Variants in TET1 observed in about 807,000 individuals in gnomAD.
The protein encoded by TET1 is tet methylcytosine dioxygenase 1, also known as methylcytosine dioxygenase TET1.
In TET1, 13 loss-of-function variants were observed where a neutral mutation model predicts 148.7. The ratio of observed to expected loss-of-function variants is 0.09; its 90% CI spans 0.06 to 0.14. The LOEUF (loss-of-function observed/expected upper bound fraction) is 0.14. Among genes scored for constraint, TET1 ranks in the 10% least tolerant of loss-of-function variants. The probability of loss-of-function intolerance (pLI) is 1.00; values close to 1 mark genes in which losing one functional copy is unlikely to be tolerated. For missense variants in TET1, 2,182 were observed against 2,553.8 expected (o/e 0.85, Z 3.14); for synonymous variants, 907 against 937.2 (o/e 0.97, Z 0.59).
intron 6 of TET1, 141 bp from the exon 7 acceptor site, chr10:68,666,900 ATAGT>A (rs2055202270): frequency 1.4e-6 from 1 of 737,838 alleles, no homozygotes; most frequent in African/African-American, 1.8e-5. Context: ...CCTTGGTAAC[ATAGT>A]TAGACCCCGT....
intron 3 of TET1, among the ~76,000 whole-genome samples, chr10:68,622,197 C>CCTTCCTTCCTTT (rs1564973264): frequency 1.6e-5 from 2 of 127,666 alleles, no homozygotes; most frequent in South Asian, 2.6e-4. Flanking sequence ...TTCCTTCCTT[C>CCTTCCTTCCTTT]CTTCCTTCCT....
At position 68,572,202 on chromosome 10, in the gene TET1, CTGT is replaced by C. The variant is rs1476404112; in HGVS notation, c.-122-10_-122-8del. 9.0e-6 allele frequency: 6 copies of C among 666,370 alleles called. No individual in the cohort carries two copies. Among genetic ancestry groups the C allele is most frequent in the Non-Finnish European group, 7.7e-6 (3 of 388,584 alleles). The allele number at this position is 666,370 out of a possible 1,614,324, so 41.3% of individuals were successfully genotyped here. A position where few individuals can be genotyped will look rare whatever the true frequency, so the allele number is the denominator to read the frequency against. ...GGAAAAAGACTCACTTCAGTGTATT[CTGT>C]TGTTATTTCAGACCAAAACCTTGTG... On this transcript the variant is annotated splice_polypyrimidine_tract_variant and intron_variant, in intron 1 of 11. Transcript: ENST00000373644.
chr10:68,640,952 T>C (rs2054744202), intron 3 of TET1, among the ~76,000 whole-genome samples: 1 of 151,620 alleles, frequency 6.6e-6, no homozygotes, highest in East Asian at 1.9e-4. Flanking sequence ...ATAAAAATAT[T>C]TATGTAATAT....
intron 4 of TET1, among the ~76,000 whole-genome samples, chr10:68,650,977 TTAATA>T (rs892351729): frequency 6.6e-6 from 1 of 152,222 alleles, no homozygotes; most frequent in Non-Finnish European, 1.5e-5. Context: ...ACTTGGTTTT[TTAATA>T]TAATGATATT....
chr10:68,686,723 C>A lies in TET1; in HGVS notation c.5404+16C>A, dbSNP rs1169617760. ...CCAACCTTAGGTGAGCCCTATGGAACCTGGTAATCTCTGCACAACTTTGAT... is the reference window on the plus strand; with the variant it reads ...CCAACCTTAGGTGAGCCCTATGGAAACTGGTAATCTCTGCACAACTTTGAT... On this transcript the variant is annotated intron_variant, in intron 11 of 11. Transcript: ENST00000373644. The A allele has an allele frequency of 8.1e-6, 13 of 1,597,054 alleles. No individual in the cohort carries two copies. Among genetic ancestry groups the A allele is most frequent in the Non-Finnish European group, 9.4e-6 (11 of 1,170,948 alleles).
At chr10:68,665,679 A>G (rs1189826500) in intron 6 of TET1, among the ~76,000 whole-genome samples, 1 of 152,030 alleles carries the variant, frequency 6.6e-6, no homozygotes, top group Non-Finnish European at 1.5e-5. Flanking sequence ...AATATTAACC[A>G]AAATAATTTT....
chr10:68,655,798 G>A (rs1222625847), intron 6 of TET1, among the ~76,000 whole-genome samples: 2 of 152,112 alleles, frequency 1.3e-5, no homozygotes, highest in East Asian at 3.8e-4. Flanking sequence ...GGGCTAGAGT[G>A]CACTAACCCA....
chr10:68,672,871 C>T, intron 7 of TET1, 24 bp from the exon 8 acceptor site: 1 of 1,583,972 alleles, frequency 6.3e-7, no homozygotes, highest in Non-Finnish European at 8.6e-7. Context: ...CATCAATTCA[C>T]TCTCTTGAAT....
chr10:68,631,837 T>C (rs996864137), intron 3 of TET1, among the ~76,000 whole-genome samples: 32 of 152,012 alleles, frequency 2.1e-4, no homozygotes, highest in African/African-American at 7.3e-4. Context: ...AGGAACTGAC[T>C]AGAGACCCAA....
rs533261320 is a variant in TET1 at position 68,657,773 on chromosome 10, C to T, written c.4461+5179C>T. 4.0e-5 allele frequency among the ~76,000 whole-genome samples: 6 copies of T among 149,514 alleles called. No individual in the cohort carries two copies. The South Asian group carries it at 8.7e-4, about 22-fold the overall frequency. On this transcript the variant is annotated intron_variant, in intron 6 of 11. Coordinates refer to ENST00000373644, the MANE Select transcript of TET1 (RefSeq NM_030625.3). ...GAATCTGCTGGAGTTGTCCACCCCA[C>T]GCTTAAACTTTAGGTAGAGGTTGAA...
chr10:68,600,859 A>G (rs2054046162), intron 2 of TET1, 122 bp from the exon 3 acceptor site: 2 of 768,732 alleles, frequency 2.6e-6, no homozygotes, highest in African/African-American at 1.8e-5. Context: ...TGCCTAGCAA[A>G]CATGTTGATG....
intron 4 of TET1, among the ~76,000 whole-genome samples, chr10:68,650,366 G>C (rs769503946): frequency 4.6e-5 from 7 of 151,988 alleles, no homozygotes; most frequent in Admixed American, 6.6e-5. Flanking sequence ...AAGTAGGCTG[G>C]GTGCCGTGAC....
chr10:68,661,871 AT>A (rs60806125), intron 6 of TET1, among the ~76,000 whole-genome samples: 3 of 121,616 alleles, frequency 2.5e-5, no homozygotes, highest in East Asian at 2.5e-4. Context: ...TTTAAAAAAA[AT>A]TTTTTTTCTT....
Position 68,691,973 on chromosome 10 carries a change from A to C in TET1, c.*159A>C. 4 of 824,940 alleles carry C rather than the reference A, an allele frequency of 4.8e-6. No individual in the cohort carries two copies. The South Asian group carries it at 9.0e-5, about 19-fold the overall frequency. The allele number at this position is 824,940 out of a possible 1,614,324, so 51.1% of individuals were successfully genotyped here. A position where few individuals can be genotyped will look rare whatever the true frequency, so the allele number is the denominator to read the frequency against. On this transcript the variant is annotated 3_prime_UTR_variant, in exon 12 of 12. Transcript: ENST00000373644. The surrounding 1 kb of genome is among the most constrained non-coding windows in gnomAD (Gnocchi z 4.4). ...TAACAAAACGGGGTGGGTATTCTTA[A>C]CTGTGACTATATTTTGACAATTGGT...
At chr10:68,586,709 C>A (rs1376458278) in intron 2 of TET1, among the ~76,000 whole-genome samples, 1 of 150,514 alleles carries the variant, frequency 6.6e-6, no homozygotes, top group Non-Finnish European at 1.5e-5. Flanking sequence ...AAGGAAAAAA[C>A]AGTTTGCTAA....
intron 10 of TET1, among the ~76,000 whole-genome samples, chr10:68,684,586 A>C (rs1403023773): frequency 6.6e-6 from 1 of 152,070 alleles, no homozygotes; most frequent in Non-Finnish European, 1.5e-5. Context: ...AGTCAAGCTA[A>C]GTTTCAGTTT....
At chr10:68,615,711 T>C (rs541303152) in intron 3 of TET1, among the ~76,000 whole-genome samples, 1 of 152,086 alleles carries the variant, frequency 6.6e-6, no homozygotes, top group African/African-American at 2.4e-5. Flanking sequence ...CAGGCTGGAG[T>C]GCAATGGCGC....
chr10:68,622,111 T>C (rs1343706172), intron 3 of TET1, among the ~76,000 whole-genome samples: 1 of 152,088 alleles, frequency 6.6e-6, no homozygotes, highest in African/African-American at 2.4e-5. Flanking sequence ...ATTTGGCCAA[T>C]ATTCCCACGA....
chr10:68,684,249 T>C (rs2133228955), intron 10 of TET1, among the ~76,000 whole-genome samples: 1 of 152,274 alleles, frequency 6.6e-6, no homozygotes, highest in Middle Eastern at 3.4e-3. Flanking sequence ...AAAAATAATT[T>C]TTTTTAGGTT....
Sources: gnomAD v4.1 joint callset for allele counts (sites outside exome capture counted in the v4.1 genomes callset) on GRCh38, gnomAD v4.1.1 for gene constraint, Gnocchi (gnomAD v3.1) non-coding constraint, MANE v1.5 for transcripts, NCBI Gene and HGNC (gene_info 2026-07-23, HGNC 2026-07-21) for gene names.